The following TGFBR3 variants were observed in gnomAD, a reference collection of about 807,000 sequenced individuals.
TGFBR3 encodes transforming growth factor beta receptor type 3.
Under a neutral mutation model 87.9 loss-of-function variants are expected in TGFBR3, and 46 were observed. The observed-to-expected ratio is 0.52, with a 90% CI of 0.41 to 0.67. The LOEUF (loss-of-function observed/expected upper bound fraction) is 0.67, where lower values mean the gene tolerates loss of function less well. Among genes scored for constraint, TGFBR3 ranks in the 30% least tolerant of loss-of-function variants. TGFBR3 has a pLI of 0.00. For synonymous variants in TGFBR3, 381 were observed against 391.6 expected (o/e 0.97, Z 0.32); for missense variants, 866 against 1,041.9 (o/e 0.83, Z 2.32).
At chr1:91,799,988 T>C (rs1349488754) in intron 2 of TGFBR3, among the ~76,000 whole-genome samples, 1 of 152,034 alleles carries the variant, frequency 6.6e-6, no homozygotes, top group Admixed American at 6.6e-5. Flanking sequence ...CTTTAAGGGC[T>C]AGAGCTCTAG....
chr1:91,834,858 T>C (rs1676999847), intron 2 of TGFBR3, among the ~76,000 whole-genome samples: 1 of 152,190 alleles, frequency 6.6e-6, no homozygotes, highest in African/African-American at 2.4e-5. Flanking sequence ...TTTTGCATTT[T>C]TAGTAGAGTC....
intron 13 of TGFBR3, among the ~76,000 whole-genome samples, chr1:91,711,867 C>A (rs1671993788): frequency 6.6e-6 from 1 of 152,186 alleles, no homozygotes; most frequent in South Asian, 2.1e-4. Context: ...AAAACAATGA[C>A]AATGCCAGTC....
rs528495232 is a variant in TGFBR3, at chr1:91,841,709, A to G, written c.61+19762T>C. 2.6e-3 allele frequency among the ~76,000 whole-genome samples: 392 copies of G among 149,832 alleles called. 2 individuals are homozygous for G. Among genetic ancestry groups the G allele is most frequent in the African/African-American group, 9.4e-3 (382 of 40,776 alleles). ...CTCAGGAGGTTGAGGCAGGAGAATC[A>G]CTTGAACCTGGGAGGCGAAGGTTGC... is the stretch of plus-strand genomic sequence containing the variant. On this transcript the variant is annotated intron_variant, in intron 2 of 16. Transcript: ENST00000212355.
chr1:91,898,429 T>C (rs1213145327), intron 2 of TGFBR3, among the ~76,000 whole-genome samples: 1 of 151,450 alleles, frequency 6.6e-6, no homozygotes, highest in Non-Finnish European at 1.5e-5. Context: ...CAACAGTATG[T>C]TTTTTTTGGT....
At chr1:91,838,547 C>T (rs1247447128) in intron 2 of TGFBR3, among the ~76,000 whole-genome samples, 1 of 151,196 alleles carries the variant, frequency 6.6e-6, no homozygotes, top group Non-Finnish European at 1.5e-5. Flanking sequence ...CAAGCTCTGC[C>T]TCCCGGGTTC....
chr1:91,852,407 CATGT>C (rs1041390548), intron 2 of TGFBR3, among the ~76,000 whole-genome samples: 8 of 152,308 alleles, frequency 5.3e-5, no homozygotes, highest in South Asian at 2.1e-4. Context: ...TGTGCGCATG[CATGT>C]GTGTGTTGTG....
chr1:91,739,347 G>A (rs889505349), intron 4 of TGFBR3, among the ~76,000 whole-genome samples: 2 of 152,094 alleles, frequency 1.3e-5, no homozygotes, highest in African/African-American at 4.8e-5. Flanking sequence ...TCACCAGTTC[G>A]AGGCTTTTCT....
intron 2 of TGFBR3, among the ~76,000 whole-genome samples, chr1:91,810,576 T>G (rs1239032713): frequency 6.6e-6 from 1 of 152,226 alleles, no homozygotes; most frequent in Admixed American, 6.5e-5. Context: ...GTGCCTGGCA[T>G]GCGGCACGTG....
chr1:91,846,506 G>A (rs1016350065), intron 2 of TGFBR3, among the ~76,000 whole-genome samples: 21 of 152,228 alleles, frequency 1.4e-4, no homozygotes, highest in Non-Finnish European at 2.2e-4. Context: ...GGCTCTCGGA[G>A]TCCTCTATAA....
rs965492620 is a variant in TGFBR3, at chr1:91,719,830, C to G, written c.1413+63G>C. The G allele has an allele frequency of 2.6e-5, 40 of 1,564,982 alleles. 1 individual carries two copies. The South Asian group carries it at 4.3e-4, about 17-fold the overall frequency. ...AAGAGATAGGGAGAAATTACAGATG[C>G]AGACTAGGGCCAGATGGGAAAGGAG... is the stretch of plus-strand genomic sequence containing the variant. On this transcript the variant is annotated intron_variant, in intron 9 of 16. Coordinates refer to ENST00000212355, the MANE Select transcript of TGFBR3 (RefSeq NM_003243.5).
intron 2 of TGFBR3, among the ~76,000 whole-genome samples, chr1:91,859,908 CAAA>C (rs544117317): frequency 0.18 from 15,068 of 85,382 alleles, 1,004 homozygotes; most frequent in East Asian, 0.5. Flanking sequence ...GACTCCATCT[CAAA>C]AAAAAAAAAA....
intron 3 of TGFBR3, among the ~76,000 whole-genome samples, chr1:91,769,197 C>G (rs917600142): frequency 1.3e-5 from 2 of 152,192 alleles, no homozygotes; most frequent in African/African-American, 4.8e-5. Context: ...AGAACAGTGA[C>G]TGGCATCTGG....
chr1:91,776,281 A>AG (rs539493750), intron 3 of TGFBR3, among the ~76,000 whole-genome samples: 96 of 152,366 alleles, frequency 6.3e-4, no homozygotes, highest in African/African-American at 1.8e-3. Flanking sequence ...TCTCAAGGGT[A>AG]GGGGGTCAGG....
chr1:91,803,475 A>C (rs1675719162), intron 2 of TGFBR3, among the ~76,000 whole-genome samples: 1 of 151,940 alleles, frequency 6.6e-6, no homozygotes, highest in African/African-American at 2.4e-5. Flanking sequence ...TGAGGAGGGC[A>C]CAGCAACTGA....
chr1:91,852,385 TGTATGTGTGTGTGTGCGCATGC>T (rs1677771001), intron 2 of TGFBR3, among the ~76,000 whole-genome samples: 1 of 152,170 alleles, frequency 6.6e-6, no homozygotes, highest in African/African-American at 2.4e-5. Context: ...CCCGTGTGTG[TGTATGTGTGTGTGTGCGCATGC>T]ATGTGTGTGT....
At chr1:91,898,023 C>T (rs1679587209) in intron 2 of TGFBR3, among the ~76,000 whole-genome samples, 1 of 135,042 alleles carries the variant, frequency 7.4e-6, no homozygotes, top group Admixed American at 8.1e-5. Context: ...CCTCAGTCTC[C>T]ATTAAAAAAT....
At chr1:91,841,053 G>A (rs902306715) in intron 2 of TGFBR3, among the ~76,000 whole-genome samples, 1 of 151,954 alleles carries the variant, frequency 6.6e-6, no homozygotes, top group African/African-American at 2.4e-5. Flanking sequence ...TCAGGTGATC[G>A]GCCCACCTTG....
chr1:91,845,411 A>G (rs889195955), intron 2 of TGFBR3, among the ~76,000 whole-genome samples: 5 of 152,198 alleles, frequency 3.3e-5, no homozygotes, highest in Non-Finnish European at 7.3e-5. Context: ...GCTCCCTTAT[A>G]TAACACTCAA....
intron 3 of TGFBR3, among the ~76,000 whole-genome samples, chr1:91,791,916 T>C (rs1009126409): frequency 3.3e-5 from 5 of 152,154 alleles, no homozygotes; most frequent in African/African-American, 1.2e-4. Context: ...GTATTGTCAT[T>C]TGGGGGATGT....
Sources: allele counts gnomAD v4.1 joint callset (sites outside exome capture counted in the v4.1 genomes callset), GRCh38; gene constraint gnomAD v4.1.1; transcripts MANE v1.5; gene names NCBI Gene and HGNC (gene_info 2026-07-23, HGNC 2026-07-21).